The following PRDM5 variants were observed in gnomAD, a reference collection of about 807,000 sequenced individuals.
PRDM5 encodes the protein PR domain zinc finger protein 5.
In PRDM5, 56 loss-of-function variants were observed where a neutral mutation model predicts 81.2. The ratio of observed to expected loss-of-function variants is 0.69; its 90% CI spans 0.56 to 0.86. The LOEUF (loss-of-function observed/expected upper bound fraction) is 0.86. Among genes scored for constraint, PRDM5 ranks in the 40% least tolerant of loss-of-function variants. The pLI, the probability that PRDM5 is intolerant of heterozygous loss-of-function variation, is 0.00. For missense variants in PRDM5, 697 were observed against 770.1 expected, an observed-to-expected ratio of 0.91 and a Z score of 1.12; for synonymous variants, 267 against 256.4, an observed-to-expected ratio of 1.04 and a Z score of -0.39.
At chr4:120,814,106 T>C (rs1263945817) in intron 7 of PRDM5, among the ~76,000 whole-genome samples, 6 of 152,194 alleles carry the variant, frequency 3.9e-5, no homozygotes, top group African/African-American at 9.6e-5. Context: ...TCTGAGAATG[T>C]AGATAAATGT....
chr4:120,858,513 T>A lies in PRDM5; in HGVS notation c.178-4973A>T, dbSNP rs1291335822. Among the ~76,000 whole-genome samples, 6 of 152,146 alleles carry A rather than the reference T, an allele frequency of 3.9e-5. No individual in the cohort carries two copies. In the South Asian group the frequency reaches 1.2e-3, roughly 32 times the overall value. On this transcript the variant is annotated intron_variant, in intron 2 of 15. Transcript: ENST00000264808. ...AAGGGCATGGGTTTTATTCCCCCAC[T>A]GATTGTTCAAAGGATTCTCTCTAAA...
chr4:120,848,378 A>G (rs571011351), intron 3 of PRDM5, among the ~76,000 whole-genome samples: 2 of 152,314 alleles, frequency 1.3e-5, no homozygotes, highest in South Asian at 4.1e-4. Context: ...ATTACAACAC[A>G]GGGGTTAAAA....
chr4:120,777,383 A>T (rs981165506), intron 12 of PRDM5, 102 bp from the exon 13 acceptor site: 2 of 1,543,234 alleles, frequency 1.3e-6, no homozygotes, highest in African/African-American at 2.7e-5. Context: ...GTAGGATTAC[A>T]TTTCATTAAA....
intron 13 of PRDM5, among the ~76,000 whole-genome samples, chr4:120,768,332 G>A (rs575724041): frequency 2.6e-4 from 40 of 152,186 alleles, no homozygotes; most frequent in African/African-American, 9.2e-4. Flanking sequence ...CTCTGAATCC[G>A]TGCTTCCTCA....
chr4:120,920,275 CAT>C (rs1189562067), intron 1 of PRDM5, among the ~76,000 whole-genome samples: 2 of 152,206 alleles, frequency 1.3e-5, no homozygotes, highest in African/African-American at 4.8e-5. Context: ...GTTATACAAG[CAT>C]ATGTGTTATA....
In PRDM5 at chr4:120,728,412, G is replaced by A. The variant is rs1739759061; in HGVS notation, c.1624-17999C>T. ...TAATCTTGAACACATAATGACATAGGAAACTAAATGATGTATGTATGTGTG... is the reference window on the plus strand; with the variant it reads ...TAATCTTGAACACATAATGACATAGAAAACTAAATGATGTATGTATGTGTG... On this transcript the variant is annotated intron_variant, in intron 14 of 15. Transcript: ENST00000264808. 2.0e-5 allele frequency among the ~76,000 whole-genome samples: 3 copies of A among 152,004 alleles called. No homozygotes were observed. The South Asian group carries it at 6.2e-4, about 32-fold the overall frequency.
At chr4:120,895,150 G>A (rs1002740930) in intron 2 of PRDM5, among the ~76,000 whole-genome samples, 1 of 152,176 alleles carries the variant, frequency 6.6e-6, no homozygotes, top group African/African-American at 2.4e-5. Flanking sequence ...GTGCACTAAT[G>A]CAAGGGGGAT....
chr4:120,751,259 CATA>C (rs1169407937), intron 14 of PRDM5, among the ~76,000 whole-genome samples: 1 of 151,964 alleles, frequency 6.6e-6, no homozygotes, highest in Non-Finnish European at 1.5e-5. Flanking sequence ...AGATGAAAAA[CATA>C]ATATCAAAAA....
Position 120,708,592 on chromosome 4 carries a change from C to T in PRDM5, c.1728+1717G>A, listed in dbSNP as rs115032897. Among the ~76,000 whole-genome samples the T allele has an allele frequency of 7.0e-3, 1,069 of 152,122 alleles. 11 individuals carry two copies. Among genetic ancestry groups the T allele is most frequent in the African/African-American group, 0.025 (1,035 of 41,510 alleles). ...TGTACAACACAGTCAATATACTAAA[C>T]GTCACTGAACTGCTCACATTAAAAT... On this transcript the variant is annotated intron_variant, in intron 15 of 15. Transcript: ENST00000264808.
intron 8 of PRDM5, among the ~76,000 whole-genome samples, chr4:120,805,180 A>G (rs2149305138): frequency 6.6e-6 from 1 of 152,318 alleles, no homozygotes; most frequent in East Asian, 1.9e-4. Flanking sequence ...ATAGACCAAT[A>G]ACAGGCTCTG....
chr4:120,836,212 A>C (rs1172515219), intron 3 of PRDM5, among the ~76,000 whole-genome samples: 1 of 152,214 alleles, frequency 6.6e-6, no homozygotes, highest in African/African-American at 2.4e-5. Context: ...ATATTTCTCT[A>C]TTTTAGGAAA....
chr4:120,715,731 T>G (rs539198760), intron 14 of PRDM5, among the ~76,000 whole-genome samples: 3 of 152,296 alleles, frequency 2.0e-5, no homozygotes, highest in African/African-American at 7.2e-5. Flanking sequence ...TACACTTTAC[T>G]TGTAAGACCA....
At chr4:120,910,100 A>G (rs1264041327) in intron 1 of PRDM5, among the ~76,000 whole-genome samples, 1 of 151,860 alleles carries the variant, frequency 6.6e-6, no homozygotes, top group Non-Finnish European at 1.5e-5. Context: ...GACCCACTAA[A>G]TTAATTACAG....
At chr4:120,922,080 AG>A (rs755234129) in intron 1 of PRDM5, among the ~76,000 whole-genome samples, 1 of 152,198 alleles carries the variant, frequency 6.6e-6, no homozygotes, top group Non-Finnish European at 1.5e-5. Flanking sequence ...TTCATCCTAA[AG>A]GAAAAGAGGC....
intron 2 of PRDM5, among the ~76,000 whole-genome samples, chr4:120,886,065 T>C (rs1763406379): frequency 6.6e-6 from 1 of 152,168 alleles, no homozygotes; most frequent in African/African-American, 2.4e-5. Context: ...AAACATTCGA[T>C]TGCTTTGCAT....
chr4:120,855,328 A>G (rs555659916), intron 2 of PRDM5, among the ~76,000 whole-genome samples: 13 of 152,210 alleles, frequency 8.5e-5, no homozygotes, highest in Non-Finnish European at 1.8e-4. Flanking sequence ...TAAAAGAGCA[A>G]TTTAGGACTA....
intron 2 of PRDM5, chr4:120,896,657 T>TCTCACACACACA (rs1764645262): frequency 6.9e-6 from 1 of 144,796 alleles, no homozygotes; most frequent in African/African-American, 2.6e-5. Flanking sequence ...CTTAAATATT[T>TCTCACACACACA]CACACACACA....
intron 2 of PRDM5, among the ~76,000 whole-genome samples, chr4:120,861,141 G>C (rs993736598): frequency 4.6e-5 from 7 of 152,120 alleles, no homozygotes; most frequent in African/African-American, 1.7e-4. Flanking sequence ...CCGAGTAGCT[G>C]GGATTACAGA....
chr4:120,798,083 G>T (rs1263019751), intron 10 of PRDM5, among the ~76,000 whole-genome samples, 184 bp downstream of exon 10: 5 of 152,132 alleles, frequency 3.3e-5, no homozygotes, highest in African/African-American at 1.2e-4. Context: ...TATAAGGACA[G>T]TTTCAAAAGA....
Sources: gnomAD v4.1 joint callset for allele counts (sites outside exome capture counted in the v4.1 genomes callset) on GRCh38, gnomAD v4.1.1 for gene constraint, MANE v1.5 for transcripts, NCBI Gene and HGNC (gene_info 2026-07-23, HGNC 2026-07-21) for gene names.